The following DCBLD1 variants were observed in gnomAD, a reference collection of about 807,000 sequenced individuals.
DCBLD1 encodes the protein discoidin, CUB and LCCL domain-containing protein 1.
DCBLD1 carries 57 observed loss-of-function variants against 71.5 expected under a neutral mutation model. The observed-to-expected ratio is 0.80, with a 90% CI of 0.64 to 0.99. The LOEUF (loss-of-function observed/expected upper bound fraction) is 0.99. DCBLD1 is among the 50% of genes least tolerant of loss of function. DCBLD1 has a pLI of 0.00. For synonymous variants in DCBLD1, 380 were observed against 363.8 expected (o/e 1.04, Z -0.51); for missense variants, 891 against 923.5 (o/e 0.96, Z 0.46).
intron 2 of DCBLD1, among the ~76,000 whole-genome samples, chr6:117,516,556 CAGAG>C (rs979397145): frequency 8.6e-5 from 13 of 152,026 alleles, no homozygotes; most frequent in Admixed American, 6.6e-5. Flanking sequence ...AAACTTGAAA[CAGAG>C]AGAAATTGGA....
chr6:117,553,181 G>A (rs138365304), downstream of DCBLD1, among the ~76,000 whole-genome samples: 782 of 151,972 alleles, frequency 5.1e-3, 8 homozygotes, highest in African/African-American at 0.017. Context: ...CCCTTTTTCC[G>A]TACCCCTTAG....
At chr6:117,513,123 A>G (rs1778078596) in intron 2 of DCBLD1, among the ~76,000 whole-genome samples, 1 of 152,224 alleles carries the variant, frequency 6.6e-6, no homozygotes, top group Non-Finnish European at 1.5e-5. Context: ...GAGAAGTACT[A>G]TACATTGCTG....
At chr6:117,495,206 A>G (rs1777430372) in intron 1 of DCBLD1, among the ~76,000 whole-genome samples, 1 of 152,134 alleles carries the variant, frequency 6.6e-6, no homozygotes. Context: ...ACACAGCCTT[A>G]TTCATCTTCA....
intron 1 of DCBLD1, 108 bp from the exon 2 acceptor site, chr6:117,503,659 C>G: frequency 1.6e-6 from 2 of 1,240,454 alleles, no homozygotes; most frequent in Admixed American, 2.5e-5. Flanking sequence ...TTTCCTTCTG[C>G]CCAAAAACAA....
At chr6:117,485,702 G>T (rs1257073047) in intron 1 of DCBLD1, among the ~76,000 whole-genome samples, 1 of 152,126 alleles carries the variant, frequency 6.6e-6, no homozygotes, top group Non-Finnish European at 1.5e-5. Flanking sequence ...TTGTGTTTAG[G>T]ATATATTTTC....
chr6:117,527,228 G>A (rs1011619980), intron 5 of DCBLD1, among the ~76,000 whole-genome samples: 9 of 152,212 alleles, frequency 5.9e-5, no homozygotes, highest in East Asian at 5.8e-4. Flanking sequence ...CACTTTTGCC[G>A]TATTCTTATA....
At chr6:117,546,182 T>C (rs1393829416) in intron 14 of DCBLD1, among the ~76,000 whole-genome samples, 1 of 152,248 alleles carries the variant, frequency 6.6e-6, no homozygotes, top group African/African-American at 2.4e-5. Flanking sequence ...TTTTTTATTA[T>C]TAGATTCAAC....
At position 117,548,154 on chromosome 6, in the gene DCBLD1, C is replaced by T; in HGVS notation, c.1863C>T (p.Tyr621=). ...RAHTFSAQSG[Y]RVPGPQPGHK... is the part of the protein sequence containing the mutation. ...ACACGTTCTCTGCGCAGAGCGGCTACCGCGTCCCAGGGCCCCAGCCCGGCC... is the reference window on the plus strand; with the variant it reads ...ACACGTTCTCTGCGCAGAGCGGCTATCGCGTCCCAGGGCCCCAGCCCGGCC... The change falls in exon 15 of 15, where the codon TAC becomes TAT. Residue 621 remains tyrosine, a synonymous_variant. Coordinates refer to ENST00000338728, the MANE Select transcript of DCBLD1 (RefSeq NM_001366458.2). 6.5e-7 allele frequency: 1 copy of T among 1,550,174 alleles called. No individual in the cohort carries two copies. Among genetic ancestry groups the T allele is most frequent in the Non-Finnish European group, 8.7e-7 (1 of 1,146,798 alleles).
At chr6:117,513,542 G>A (rs1778091102) in intron 2 of DCBLD1, among the ~76,000 whole-genome samples, 1 of 152,184 alleles carries the variant, frequency 6.6e-6, no homozygotes. Flanking sequence ...ATTAACTGCT[G>A]CACTCCAGTG....
intron 14 of DCBLD1, among the ~76,000 whole-genome samples, chr6:117,557,179 A>G (rs541628587): frequency 9.2e-5 from 14 of 152,272 alleles, no homozygotes; most frequent in African/African-American, 3.1e-4. Context: ...ATCTCCCACT[A>G]TGATGATAGA....
intron 14 of DCBLD1, chr6:117,561,916 T>C (rs1779591403): frequency 4.8e-6 from 1 of 207,572 alleles, no homozygotes; most frequent in African/African-American, 2.3e-5. Flanking sequence ...AAAAAAAATG[T>C]GTTTTATCAC....
At chr6:117,556,365 A>G (rs1779495644) in intron 14 of DCBLD1, among the ~76,000 whole-genome samples, 1 of 151,576 alleles carries the variant, frequency 6.6e-6, no homozygotes, top group Non-Finnish European at 1.5e-5. Context: ...ACCCTCACCC[A>G]CCTCCCACCT....
chr6:117,492,351 A>G (rs1480943803), intron 1 of DCBLD1, among the ~76,000 whole-genome samples: 1 of 152,218 alleles, frequency 6.6e-6, no homozygotes, highest in East Asian at 1.9e-4. Flanking sequence ...ATAATTATTT[A>G]CCCAAGACAC....
In DCBLD1 at chr6:117,514,620, A is replaced by G. The variant is rs531148790; in HGVS notation, c.326-5196A>G. Among the ~76,000 whole-genome samples the G allele has an allele frequency of 1.6e-4, 25 of 151,678 alleles. 1 individual carries two copies. In the East Asian group the frequency reaches 4.8e-3, roughly 29 times the overall value. Reference sequence around the variant, plus strand: ...AAAAAAAAAAAAAATCCTCTCAATGATGATATTTATATAGAGAGGGTATCT... The same window carrying G: ...AAAAAAAAAAAAAATCCTCTCAATGGTGATATTTATATAGAGAGGGTATCT... On this transcript the variant is annotated intron_variant, in intron 2 of 14. Coordinates refer to ENST00000338728, the MANE Select transcript of DCBLD1 (RefSeq NM_001366458.2).
At chr6:117,537,426 C>T (rs954706969) in intron 7 of DCBLD1, among the ~76,000 whole-genome samples, 20 of 151,086 alleles carry the variant, frequency 1.3e-4, no homozygotes, top group Non-Finnish European at 2.4e-4. Flanking sequence ...CCCAGCTTCT[C>T]GGGAGGCTGA....
Position 117,548,263 on chromosome 6 carries a change from GCA to G in DCBLD1, c.1975_1976del (p.Gln659AlafsTer23). 1 of 1,550,614 alleles carries G rather than the reference GCA, an allele frequency of 6.4e-7. No homozygotes were observed. Among genetic ancestry groups the G allele is most frequent in the Non-Finnish European group, 8.7e-7 (1 of 1,146,996 alleles). On this transcript the variant is annotated frameshift_variant, in exon 15 of 15. Coordinates refer to ENST00000338728, the MANE Select transcript of DCBLD1 (RefSeq NM_001366458.2). LOFTEE classifies it low-confidence loss of function (END_TRUNC). ...CGGAGACTATCAAAGGCCACACAGC[GCA>G]CAGCCTGCGGACAGGGGCTACGACC... The part of the protein sequence containing the change: ...QDGDYQRPHS[A>X]QPADRGYDRP...
chr6:117,538,807 C>A lies in DCBLD1; in HGVS notation c.948C>A (p.Ile316=). The A allele has an allele frequency of 1.2e-6, 2 of 1,613,640 alleles. No homozygotes were observed. The highest frequency in any genetic ancestry group is 2.2e-5 in the South Asian group (2 of 91,010). Residue 316 remains isoleucine, a synonymous_variant, in exon 8 of 15, where the codon ATC becomes ATA. Transcript: ENST00000338728. Reference sequence around the variant, plus strand: ...ACAAACCACGAGAGTGGCTGGAGATCGATTTGGGGGAGAAAAAGAAAATAA... The same window carrying A: ...ACAAACCACGAGAGTGGCTGGAGATAGATTTGGGGGAGAAAAAGAAAATAA... The part of the protein sequence containing the change: ...NNHKPREWLE[I]DLGEKKKITG...
At chr6:117,568,241 A>C (rs1447822708) in intron 14 of DCBLD1, among the ~76,000 whole-genome samples, 2 of 152,072 alleles carry the variant, frequency 1.3e-5, no homozygotes, top group African/African-American at 4.8e-5. Flanking sequence ...ATGTTAAAAG[A>C]AAAATTTCCA....
intron 14 of DCBLD1, among the ~76,000 whole-genome samples, chr6:117,559,084 C>A (rs575494819): frequency 9.8e-5 from 15 of 152,320 alleles, no homozygotes; most frequent in Non-Finnish European, 1.6e-4. Context: ...ACTATACTCA[C>A]CAACCAGATG....
Sources: allele counts gnomAD v4.1 joint callset (sites outside exome capture counted in the v4.1 genomes callset), GRCh38; gene constraint gnomAD v4.1.1; transcripts MANE v1.5; gene names NCBI Gene and HGNC (gene_info 2026-07-23, HGNC 2026-07-21).